The following TPTE variants were observed in gnomAD, a reference collection of about 807,000 sequenced individuals.
The protein encoded by TPTE is putative tyrosine-protein phosphatase TPTE.
In TPTE, 59 loss-of-function variants were observed where a neutral mutation model predicts 84.1. That is an observed-to-expected ratio of 0.70 (90% CI 0.57 to 0.87). The LOEUF (loss-of-function observed/expected upper bound fraction) is 0.87. Ranked by LOEUF, TPTE falls within the 40% of genes least tolerant of loss-of-function variation. The probability of loss-of-function intolerance (pLI) is 0.00; values close to 1 mark genes in which losing one functional copy is unlikely to be tolerated. For synonymous variants in TPTE, 130 were observed against 223.5 expected (o/e 0.58, Z 3.73); for missense variants, 382 against 659.6 (o/e 0.58, Z 4.61).
chr21:10,529,305 A>C (rs1219425366), intron 3 of TPTE, among the ~76,000 whole-genome samples: 2 of 152,310 alleles, frequency 1.3e-5, no homozygotes, highest in Admixed American at 6.5e-5. Flanking sequence ...CAATGCCAAA[A>C]ATGTTTAAAA....
intron 10 of TPTE, among the ~76,000 whole-genome samples, chr21:10,566,656 A>G (rs1424194099): frequency 6.6e-6 from 1 of 152,306 alleles, no homozygotes; most frequent in African/African-American, 2.4e-5. Flanking sequence ...CATATACACA[A>G]GAGAGTATTA....
Position 10,589,740 on chromosome 21 carries a change from T to C in TPTE, c.1028-722T>C, listed in dbSNP as rs78779094. 7.3e-4 allele frequency among the ~76,000 whole-genome samples: 111 copies of C among 152,032 alleles called. No homozygotes were observed. In the East Asian group the frequency reaches 0.018, roughly 25 times the overall value. On this transcript the variant is annotated intron_variant, in intron 17 of 23. Coordinates refer to ENST00000618007, the MANE Select transcript of TPTE (RefSeq NM_199261.4). ...CCTGTCTCACATACTGAGGCTTCAC[T>C]CACTTTTATCAGTCGAATGCTGTCC...
chr21:10,548,288 C>T (rs1458638102), intron 7 of TPTE, among the ~76,000 whole-genome samples: 1 of 152,310 alleles, frequency 6.6e-6, no homozygotes, highest in African/African-American at 2.4e-5. Flanking sequence ...GAAACACTCC[C>T]AGGCCAACTA....
intron 10 of TPTE, among the ~76,000 whole-genome samples, chr21:10,564,843 A>G (rs930932430): frequency 1.3e-5 from 2 of 152,310 alleles, no homozygotes; most frequent in African/African-American, 4.8e-5. Context: ...TATAGAAGTA[A>G]CATACCTCAA....
intron 7 of TPTE, among the ~76,000 whole-genome samples, chr21:10,552,048 T>C (rs554500090): frequency 1.2e-3 from 177 of 152,356 alleles, no homozygotes; most frequent in Admixed American, 2.0e-3. Context: ...ACTCTGACCA[T>C]TGGCAACCAC....
chr21:10,565,450 C>G (rs1214761119), intron 10 of TPTE, among the ~76,000 whole-genome samples: 9 of 152,300 alleles, frequency 5.9e-5, no homozygotes, highest in Admixed American at 2.0e-4. Context: ...TTTACAGATT[C>G]AATGCACTCC....
At chr21:10,585,721 C>G (rs1317942856) in intron 17 of TPTE, among the ~76,000 whole-genome samples, 1 of 152,310 alleles carries the variant, frequency 6.6e-6, no homozygotes, top group African/African-American at 2.4e-5. Flanking sequence ...GCACATTGGC[C>G]TAGAGTTTTC....
Position 10,602,504 on chromosome 21 carries a change from TAAG to T in TPTE, c.1449+357_1449+359del, listed in dbSNP as rs1978677005. Among the ~76,000 whole-genome samples, 4 of 152,416 alleles carry T rather than the reference TAAG, an allele frequency of 2.6e-5. No homozygotes were observed. The South Asian group carries it at 8.3e-4, about 32-fold the overall frequency. On this transcript the variant is annotated intron_variant, in intron 22 of 23. Transcript: ENST00000618007. ...TTGTTTTGCATCTTTTTTAAAAAAT[TAAG>T]AAATTGAGACAGGGTCTCACTGTGT...
intron 18 of TPTE, among the ~76,000 whole-genome samples, 191 bp from the exon 19 acceptor site, chr21:10,592,102 T>G (rs1030737391): frequency 6.6e-6 from 1 of 152,424 alleles, no homozygotes; most frequent in African/African-American, 2.4e-5. Flanking sequence ...GAGGCAGAGG[T>G]GGCAGTGAGC....
At chr21:10,529,765 AT>A (rs2074143696) in intron 3 of TPTE, among the ~76,000 whole-genome samples, 1 of 152,312 alleles carries the variant, frequency 6.6e-6, no homozygotes, top group South Asian at 2.1e-4. Context: ...TATAATTAAT[AT>A]CCATGTTGGG....
At chr21:10,592,952 AC>A (rs1568770252) in intron 19 of TPTE, among the ~76,000 whole-genome samples, 1 of 152,312 alleles carries the variant, frequency 6.6e-6, no homozygotes, top group African/African-American at 2.4e-5. Flanking sequence ...CTCATTTAAT[AC>A]CCATAACACC....
At chr21:10,557,694 CT>C (rs2074710673) in intron 8 of TPTE, among the ~76,000 whole-genome samples, 1 of 152,088 alleles carries the variant, frequency 6.6e-6, no homozygotes, top group Non-Finnish European at 1.5e-5. Flanking sequence ...TTGGGGATTT[CT>C]TTTATCTCAG....
chr21:10,528,489 G>A (rs566931964), intron 3 of TPTE, among the ~76,000 whole-genome samples: 6 of 152,422 alleles, frequency 3.9e-5, no homozygotes, highest in African/African-American at 1.4e-4. Flanking sequence ...AAGGAATTTT[G>A]TTGTTCAAAT....
At chr21:10,596,719 C>A (rs1184205178) in intron 20 of TPTE, among the ~76,000 whole-genome samples, 1 of 152,304 alleles carries the variant, frequency 6.6e-6, no homozygotes, top group Non-Finnish European at 1.5e-5. Flanking sequence ...CAAACCTCTT[C>A]TAGCAGCCAG....
intron 3 of TPTE, among the ~76,000 whole-genome samples, chr21:10,536,925 G>T (rs2074276765): frequency 6.6e-6 from 1 of 152,310 alleles, no homozygotes; most frequent in Non-Finnish European, 1.5e-5. Context: ...GAGCAGCGGG[G>T]CCCTTAGGGA....
chr21:10,593,533 A>G (rs2075525183), intron 19 of TPTE, among the ~76,000 whole-genome samples: 1 of 152,308 alleles, frequency 6.6e-6, no homozygotes, highest in Non-Finnish European at 1.5e-5. Flanking sequence ...CAGGATGTTT[A>G]TCCTATAGCA....
rs2074900816 is a variant in TPTE at position 10,565,423 on chromosome 21, C to G, written c.447-2247C>G. Among the ~76,000 whole-genome samples, 3 of 152,306 alleles carry G rather than the reference C, an allele frequency of 2.0e-5. No individual in the cohort carries two copies. In the South Asian group the frequency reaches 6.2e-4, roughly 31 times the overall value. On this transcript the variant is annotated intron_variant, in intron 10 of 23. Coordinates refer to ENST00000618007, the MANE Select transcript of TPTE (RefSeq NM_199261.4). Reference sequence around the variant, plus strand: ...GAAGAATCAATATTGTTAAAATGTCCATACTCTCCAAAGCAATTTACAGAT... The same window carrying G: ...GAAGAATCAATATTGTTAAAATGTCGATACTCTCCAAAGCAATTTACAGAT...
chr21:10,597,433 G>A (rs62211196), intron 20 of TPTE, among the ~76,000 whole-genome samples: 2 of 131,576 alleles, frequency 1.5e-5, no homozygotes, highest in African/African-American at 3.7e-5. Flanking sequence ...TTTTTTTTTG[G>A]AGACAGAGTC....
chr21:10,565,522 G>A (rs2074902731), intron 10 of TPTE, among the ~76,000 whole-genome samples: 1 of 152,310 alleles, frequency 6.6e-6, no homozygotes, highest in Admixed American at 6.5e-5. Context: ...AATTTATATG[G>A]AGCCACAAAA....
Sources: allele counts gnomAD v4.1 joint callset (sites outside exome capture counted in the v4.1 genomes callset), GRCh38; gene constraint gnomAD v4.1.1; transcripts MANE v1.5; gene names NCBI Gene and HGNC (gene_info 2026-07-23, HGNC 2026-07-21).